ALDH7A1: variants seen among roughly 807,000 people sequenced by gnomAD.
The protein encoded by ALDH7A1 is alpha-aminoadipic semialdehyde dehydrogenase.
Under a neutral mutation model 79.9 loss-of-function variants are expected in ALDH7A1, and 63 were observed. That is an observed-to-expected ratio of 0.79 (90% CI 0.64 to 0.97). The LOEUF is 0.97. Among genes scored for constraint, ALDH7A1 ranks in the 50% least tolerant of loss-of-function variants. The pLI, the probability that ALDH7A1 is intolerant of heterozygous loss-of-function variation, is 0.00. For missense variants in ALDH7A1, 627 were observed against 665.2 expected (o/e 0.94, Z 0.63); for synonymous variants, 240 against 231.2 (o/e 1.04, Z -0.34).
intron 1 of ALDH7A1, 105 bp downstream of exon 1, chr5:126,594,902 G>C: frequency 3.5e-6 from 5 of 1,441,722 alleles, no homozygotes; most frequent in Non-Finnish European, 4.8e-6. Flanking sequence ...AATCTCCCAT[G>C]CTACTACCGC....
intron 11 of ALDH7A1, among the ~76,000 whole-genome samples, chr5:126,559,002 C>A (rs907305470): frequency 1.6e-4 from 25 of 152,180 alleles, no homozygotes; most frequent in Admixed American, 9.2e-4. Context: ...TCTCCTAGTC[C>A]AACTCCAGTC....
In ALDH7A1 at chr5:126,555,868, G is replaced by C. The variant is rs1446001322; in HGVS notation, c.1093+63C>G. ...GAAAGAAACTCCAAAACTCAGATCA[G>C]AAACACTTGTTAACAACAGCTCTCA... On this transcript the variant is annotated intron_variant, in intron 12 of 17. Coordinates refer to ENST00000409134, the MANE Select transcript of ALDH7A1 (RefSeq NM_001182.5). The C allele has an allele frequency of 3.7e-6, 5 of 1,349,244 alleles. No individual in the cohort carries two copies. The Admixed American group carries it at 6.8e-5, about 18-fold the overall frequency. The allele number at this position is 1,349,244 out of a possible 1,614,324, so 83.6% of individuals were successfully genotyped here.
At chr5:126,548,637 G>C (rs1196276562) in intron 16 of ALDH7A1, among the ~76,000 whole-genome samples, 1 of 151,962 alleles carries the variant, frequency 6.6e-6, no homozygotes, top group Non-Finnish European at 1.5e-5. Context: ...ATGTTGCCCA[G>C]GCTGGTCTTG....
At chr5:126,580,738 A>G (rs1301720209) in intron 5 of ALDH7A1, among the ~76,000 whole-genome samples, 1 of 152,178 alleles carries the variant, frequency 6.6e-6, no homozygotes, top group Non-Finnish European at 1.5e-5. Context: ...ATACACTTCT[A>G]TCCCACCATT....
In ALDH7A1 at chr5:126,559,429, TTTTG is replaced by T. The variant is rs1561654448; in HGVS notation, c.914-99_914-96del. 4.0e-3 allele frequency: 2,982 copies of T among 751,626 alleles called. 10 individuals are homozygous for T. The highest frequency in any genetic ancestry group is 4.1e-3 in the Non-Finnish European group (2,022 of 487,748). 46.6% of individuals were successfully genotyped at this position (751,626 alleles called of 1,614,324 possible). On this transcript the variant is annotated intron_variant, in intron 10 of 17. Coordinates refer to ENST00000409134, the MANE Select transcript of ALDH7A1 (RefSeq NM_001182.5). ...AAACAATGTTGTTTTTTGTTTTTGG[TTTTG>T]GTTTTTTTTTTTTTTTTTTGAGACA...
intron 3 of ALDH7A1, chr5:126,588,289 G>A (rs1443356095): frequency 6.6e-6 from 1 of 152,004 alleles, no homozygotes; most frequent in Non-Finnish European, 1.5e-5. Context: ...GGCCAACATG[G>A]TGAAACCCTG....
intron 9 of ALDH7A1, chr5:126,564,488 C>T (rs932162465): frequency 1.6e-6 from 2 of 1,217,562 alleles, no homozygotes; most frequent in Non-Finnish European, 2.1e-6. Flanking sequence ...TCATCGATTT[C>T]CTTAAGTGCA....
intron 5 of ALDH7A1, among the ~76,000 whole-genome samples, chr5:126,579,479 C>A (rs956506016): frequency 6.6e-6 from 1 of 152,090 alleles, no homozygotes; most frequent in Non-Finnish European, 1.5e-5. Flanking sequence ...TATTTATCTC[C>A]CACTCTAAGG....
intron 3 of ALDH7A1, among the ~76,000 whole-genome samples, chr5:126,591,342 G>C (rs867542619): frequency 6.6e-6 from 1 of 151,824 alleles, no homozygotes; most frequent in Non-Finnish European, 1.5e-5. Flanking sequence ...TTAAAGTAGA[G>C]GAAAGATGTG....
intron 3 of ALDH7A1, chr5:126,587,411 G>T (rs922271425): frequency 2.6e-5 from 4 of 152,280 alleles, no homozygotes; most frequent in Middle Eastern, 3.4e-3. Context: ...GCCAAGGCGG[G>T]TGGATGGCTT....
At chr5:126,583,850 C>A (rs1751258630) in intron 4 of ALDH7A1, 82 bp downstream of exon 4, 6 of 1,159,616 alleles carry the variant, frequency 5.2e-6, no homozygotes, top group African/African-American at 1.6e-5. Context: ...AAAAAAAAAA[C>A]CTCACAATTT....
chr5:126,585,034 C>G (rs1286932402), intron 3 of ALDH7A1, among the ~76,000 whole-genome samples: 2 of 152,190 alleles, frequency 1.3e-5, no homozygotes, highest in African/African-American at 2.4e-5. Context: ...CGCGGTGGCT[C>G]ACGTCTATAA....
intron 16 of ALDH7A1, 123 bp downstream of exon 16, chr5:126,549,806 A>C: frequency 1.1e-6 from 1 of 925,174 alleles, no homozygotes; most frequent in South Asian, 1.3e-5. Flanking sequence ...GATATGTTAG[A>C]TCACATAAGG....
At chr5:126,546,699 T>TA (rs1749798982) in intron 16 of ALDH7A1, among the ~76,000 whole-genome samples, 2 of 151,848 alleles carry the variant, frequency 1.3e-5, no homozygotes, top group South Asian at 4.2e-4. Flanking sequence ...TGCATGCCTG[T>TA]AACCCCACCG....
At chr5:126,593,468 A>C in intron 1 of ALDH7A1, 64 bp from the exon 2 acceptor site, 1 of 1,605,132 alleles carries the variant, frequency 6.2e-7, no homozygotes, top group Non-Finnish European at 8.5e-7. Context: ...AAGGGAATAG[A>C]CCAAACGGGG....
intron 9 of ALDH7A1, chr5:126,567,762 G>A (rs933965494): frequency 6.0e-6 from 1 of 166,666 alleles, no homozygotes; most frequent in African/African-American, 2.6e-5. Flanking sequence ...GTAAGCCACT[G>A]TGCCTGGCTT....
At chr5:126,558,576 G>A (rs1198041029) in intron 11 of ALDH7A1, among the ~76,000 whole-genome samples, 5 of 152,128 alleles carry the variant, frequency 3.3e-5, no homozygotes, top group African/African-American at 1.2e-4. Flanking sequence ...GAGTACAGTG[G>A]TGCAATCATG....
chr5:126,553,740 A>G (rs1240877016), intron 13 of ALDH7A1, among the ~76,000 whole-genome samples: 1 of 151,668 alleles, frequency 6.6e-6, no homozygotes, highest in Non-Finnish European at 1.5e-5. Flanking sequence ...TTAGTCCAGG[A>G]GGAAGAGGGT....
intron 3 of ALDH7A1, chr5:126,591,912 G>A (rs909555597): frequency 1.3e-5 from 2 of 153,780 alleles, no homozygotes; most frequent in Admixed American, 1.3e-4. Flanking sequence ...CTGAGAAAGG[G>A]ATGCTGCCAC....
Sources: allele counts gnomAD v4.1 joint callset (sites outside exome capture counted in the v4.1 genomes callset), GRCh38; gene constraint gnomAD v4.1.1; transcripts MANE v1.5; gene names NCBI Gene and HGNC (gene_info 2026-07-23, HGNC 2026-07-21).